The following NDST4 variants were observed in gnomAD, a reference collection of about 807,000 sequenced individuals.
NDST4 encodes N-deacetylase and N-sulfotransferase 4.
NDST4 carries 63 observed loss-of-function variants against 100.8 expected under a neutral mutation model. The ratio of observed to expected loss-of-function variants is 0.62; its 90% confidence interval spans 0.51 to 0.77. The LOEUF (loss-of-function observed/expected upper bound fraction) is 0.77, where lower values mean the gene tolerates loss of function less well. Among genes scored for constraint, NDST4 ranks in the 30% least tolerant of loss-of-function variants. The pLI is 0.00. For missense variants in NDST4, 943 were observed against 1,018.4 expected (o/e 0.93, Z 1.01); for synonymous variants, 377 against 361.8 (o/e 1.04, Z -0.48).
intron 2 of NDST4, among the ~76,000 whole-genome samples, chr4:114,995,082 C>T (rs1479585462): frequency 2.0e-5 from 3 of 152,014 alleles, no homozygotes; most frequent in Non-Finnish European, 4.4e-5. Flanking sequence ...CACAACTTTT[C>T]CTCTAGAATC....
intron 2 of NDST4, among the ~76,000 whole-genome samples, chr4:115,062,272 T>C (rs910667234): frequency 1.3e-5 from 2 of 152,002 alleles, no homozygotes; most frequent in Admixed American, 1.3e-4. Context: ...AAATAACTCA[T>C]AAAGATTGTA....
chr4:115,057,741 C>G (rs959811943), intron 2 of NDST4, among the ~76,000 whole-genome samples: 22 of 147,744 alleles, frequency 1.5e-4, no homozygotes, highest in Non-Finnish European at 2.3e-4. Context: ...CACAGACACA[C>G]ACACACACAC....
intron 1 of NDST4, among the ~76,000 whole-genome samples, chr4:115,090,681 T>G (rs577580168): frequency 6.6e-6 from 1 of 152,132 alleles, no homozygotes; most frequent in South Asian, 2.1e-4. Flanking sequence ...TTTTCAACAC[T>G]AGAGGGCAAT....
intron 4 of NDST4, among the ~76,000 whole-genome samples, chr4:114,947,406 T>C (rs1051066014): frequency 6.6e-6 from 1 of 152,196 alleles, no homozygotes; most frequent in South Asian, 2.1e-4. Flanking sequence ...TGTGGTAGCA[T>C]GATATCCTGA....
chr4:114,992,067 T>C (rs1727052810), intron 2 of NDST4, among the ~76,000 whole-genome samples: 1 of 151,942 alleles, frequency 6.6e-6, no homozygotes, highest in East Asian at 1.9e-4. Context: ...CGAATACTTA[T>C]TGCATTATAT....
At chr4:115,080,548 A>G (rs1729279375) in intron 1 of NDST4, among the ~76,000 whole-genome samples, 1 of 152,230 alleles carries the variant, frequency 6.6e-6, no homozygotes. Context: ...GAATACAGCA[A>G]TAAAAAGGCT....
intron 6 of NDST4, among the ~76,000 whole-genome samples, chr4:114,924,288 CA>C (rs1353072596): frequency 6.6e-6 from 1 of 152,076 alleles, no homozygotes; most frequent in Admixed American, 6.6e-5. Flanking sequence ...TCAGTGTTAA[CA>C]GAAAGAATAA....
chr4:114,908,008 A>C (rs2126213188), intron 6 of NDST4, among the ~76,000 whole-genome samples: 1 of 152,310 alleles, frequency 6.6e-6, no homozygotes, highest in Non-Finnish European at 1.5e-5. Context: ...TAACTTGAAA[A>C]GATTTTTGGC....
At chr4:114,838,859 A>T (rs1040315454) in intron 11 of NDST4, among the ~76,000 whole-genome samples, 3 of 150,390 alleles carry the variant, frequency 2.0e-5, no homozygotes, top group Non-Finnish European at 4.4e-5. Flanking sequence ...GCCTTTTTTC[A>T]AATCCTTATT....
rs1216680229 is a variant in NDST4 at position 115,076,412 on chromosome 4, T to C, written c.625A>G (p.Lys209Glu). Reference sequence around the variant, plus strand: ...CCAGGAAGAGGGCCTTTCTCAACCTTGGGGGCTTTGGTAATATGCAGCAAA... The same window carrying C: ...CCAGGAAGAGGGCCTTTCTCAACCTCGGGGGCTTTGGTAATATGCAGCAAA... The part of the protein sequence containing the change: ...SPLLHITKAP[K>E]VEKGPLPGED... The change falls in exon 2 of 14, where the codon AAG becomes GAG. Residue 209 changes from lysine to glutamate, a missense_variant. Physicochemically the swap from Lys to Glu is moderately conservative, Grantham distance 56. Transcript: ENST00000264363. The C allele has an allele frequency of 6.2e-7, 1 of 1,613,796 alleles. No homozygotes were observed. Among genetic ancestry groups the C allele is most frequent in the Non-Finnish European group, 8.5e-7 (1 of 1,179,944 alleles).
chr4:114,895,953 A>G (rs1027771538), intron 6 of NDST4, among the ~76,000 whole-genome samples: 7 of 152,304 alleles, frequency 4.6e-5, no homozygotes, highest in African/African-American at 1.7e-4. Context: ...CATGCTTCCT[A>G]ATTTTCAAAA....
At chr4:114,931,232 A>T (rs1291768948) in intron 6 of NDST4, among the ~76,000 whole-genome samples, 1 of 151,626 alleles carries the variant, frequency 6.6e-6, no homozygotes, top group Non-Finnish European at 1.5e-5. Flanking sequence ...TATATTAAAC[A>T]CACGCTTCTT....
At chr4:114,934,638 G>A (rs186518024) in intron 6 of NDST4, among the ~76,000 whole-genome samples, 60 of 151,916 alleles carry the variant, frequency 3.9e-4, no homozygotes, top group Middle Eastern at 3.4e-3. Context: ...GCCAGTGGCT[G>A]GGGGAAAGTT....
chr4:115,049,307 G>A (rs2126278093), intron 2 of NDST4, among the ~76,000 whole-genome samples: 1 of 152,122 alleles, frequency 6.6e-6, no homozygotes, highest in East Asian at 1.9e-4. Flanking sequence ...AGACCAGTAA[G>A]ATGTCAGGAT....
intron 6 of NDST4, among the ~76,000 whole-genome samples, chr4:114,929,060 C>T (rs1221306620): frequency 9.8e-6 from 1 of 102,164 alleles, no homozygotes; most frequent in Non-Finnish European, 2.4e-5. Context: ...GTCCGTCCGT[C>T]CGTCCGTCCG....
At chr4:114,871,328 G>A (rs1724144337) in intron 6 of NDST4, among the ~76,000 whole-genome samples, 2 of 152,208 alleles carry the variant, frequency 1.3e-5, no homozygotes, top group African/African-American at 4.8e-5. Context: ...GTAGATATGT[G>A]TACAGGTTGA....
At chr4:115,000,722 A>T (rs1372705053) in intron 2 of NDST4, among the ~76,000 whole-genome samples, 1 of 152,096 alleles carries the variant, frequency 6.6e-6, no homozygotes, top group Non-Finnish European at 1.5e-5. Flanking sequence ...CAAGAATTAC[A>T]TCTCTCCTGA....
At chr4:114,956,375 T>A (rs1726142051) in intron 4 of NDST4, among the ~76,000 whole-genome samples, 1 of 152,174 alleles carries the variant, frequency 6.6e-6, no homozygotes, top group Admixed American at 6.5e-5. Context: ...CAGCCTAAGC[T>A]CACTCTCAAA....
chr4:115,012,067 A>G (rs1727559024), intron 2 of NDST4, among the ~76,000 whole-genome samples: 2 of 151,914 alleles, frequency 1.3e-5, no homozygotes, highest in African/African-American at 4.8e-5. Flanking sequence ...TAGAATGAGT[A>G]CTAGGGTCTT....
Sources: allele counts gnomAD v4.1 joint callset (sites outside exome capture counted in the v4.1 genomes callset), GRCh38; gene constraint gnomAD v4.1.1; transcripts MANE v1.5; gene names NCBI Gene and HGNC (gene_info 2026-07-23, HGNC 2026-07-21).